The following TBL1XR1 variants were observed in gnomAD, a reference collection of about 807,000 sequenced individuals.
The protein encoded by TBL1XR1 is F-box-like/WD repeat-containing protein TBL1XR1.
A neutral mutation model predicts 66.9 loss-of-function variants in TBL1XR1; 5 were observed. The observed-to-expected ratio is 0.07, with a 90% confidence interval of 0.04 to 0.16. TBL1XR1 has a LOEUF of 0.16. Ranked by LOEUF, TBL1XR1 falls within the 10% of genes least tolerant of loss-of-function variation. The pLI is 1.00. For synonymous variants in TBL1XR1, 210 were observed against 206.0 expected (o/e 1.02, Z -0.17); for missense variants, 238 against 623.2 (o/e 0.38, Z 6.58).
chr3:177,082,738 T>TTATACATATATA (rs1721566334), intron 2 of TBL1XR1, among the ~76,000 whole-genome samples: 1 of 63,234 alleles, frequency 1.6e-5, no homozygotes, highest in African/African-American at 6.4e-5. Flanking sequence ...AAGATAGAGA[T>TTATACATATATA]TATATATATA....
At chr3:177,136,405 C>A (rs1051077486) in intron 1 of TBL1XR1, among the ~76,000 whole-genome samples, 3 of 152,102 alleles carry the variant, frequency 2.0e-5, no homozygotes, top group African/African-American at 7.2e-5. Flanking sequence ...TCCCAAGTAG[C>A]CTCCAAGTGG....
intron 2 of TBL1XR1, among the ~76,000 whole-genome samples, chr3:177,071,155 C>T (rs938044916): frequency 1.1e-4 from 16 of 151,280 alleles, no homozygotes; most frequent in African/African-American, 2.2e-4. Flanking sequence ...CTTAGCCTCC[C>T]GAGCAGCTGG....
chr3:177,056,201 A>T (rs915651553), intron 3 of TBL1XR1, among the ~76,000 whole-genome samples: 8 of 152,182 alleles, frequency 5.3e-5, no homozygotes, highest in African/African-American at 1.9e-4. Flanking sequence ...AATGCTTATA[A>T]ATTTGTTTGA....
intron 1 of TBL1XR1, among the ~76,000 whole-genome samples, chr3:177,171,816 T>C (rs1283614485): frequency 6.6e-6 from 1 of 151,716 alleles, no homozygotes; most frequent in Admixed American, 6.6e-5. Flanking sequence ...CAGAAGAGTT[T>C]GGAGCAAATT....
intron 1 of TBL1XR1, among the ~76,000 whole-genome samples, chr3:177,153,156 A>G (rs781677516): frequency 2.6e-5 from 4 of 152,144 alleles, no homozygotes; most frequent in South Asian, 2.1e-4. Flanking sequence ...AAAATAAAAT[A>G]AAGTGTTGAA....
intron 1 of TBL1XR1, among the ~76,000 whole-genome samples, chr3:177,099,917 A>G (rs1723978845): frequency 6.6e-6 from 1 of 152,268 alleles, no homozygotes; most frequent in South Asian, 2.1e-4. Flanking sequence ...TAAATAATTA[A>G]CATGTACTAC....
intron 2 of TBL1XR1, among the ~76,000 whole-genome samples, chr3:177,068,001 T>C (rs560105500): frequency 9.8e-5 from 15 of 152,288 alleles, no homozygotes; most frequent in East Asian, 9.6e-4. Flanking sequence ...AGAACAACTG[T>C]CTTTAAACTA....
chr3:177,105,714 C>T (rs1159318872), intron 1 of TBL1XR1, among the ~76,000 whole-genome samples: 1 of 152,100 alleles, frequency 6.6e-6, no homozygotes, highest in Non-Finnish European at 1.5e-5. Flanking sequence ...GCCCCTCACT[C>T]AGATGTAATT....
At chr3:177,181,620 G>C (rs1257832106) in intron 1 of TBL1XR1, among the ~76,000 whole-genome samples, 1 of 151,858 alleles carries the variant, frequency 6.6e-6, no homozygotes, top group African/African-American at 2.4e-5. Flanking sequence ...GAACCAATCT[G>C]GGCCACAGAA....
chr3:177,174,171 T>C (rs1733889206), intron 1 of TBL1XR1, among the ~76,000 whole-genome samples: 2 of 152,058 alleles, frequency 1.3e-5, no homozygotes, highest in Admixed American at 6.6e-5. Context: ...CCCAGCACTT[T>C]TGGAGGCCAA....
rs1017533899 is a variant in TBL1XR1, at chr3:177,196,783, G to C, written c.-122+338C>G. Among the ~76,000 whole-genome samples, 7 of 152,026 alleles carry C rather than the reference G, an allele frequency of 4.6e-5. No individual in the cohort carries two copies. In the South Asian group the frequency reaches 1.0e-3, roughly 23 times the overall value. Reference sequence around the variant, plus strand: ...AAAAAGGGGGTGTAAATGCACGAAGGGAGGAAGAGGGGGAGAAGGCCGAGG... The same window carrying C: ...AAAAAGGGGGTGTAAATGCACGAAGCGAGGAAGAGGGGGAGAAGGCCGAGG... On this transcript the variant is annotated intron_variant, in intron 1 of 15. Transcript: ENST00000457928.
At chr3:177,097,648 T>C (rs1723665716) in intron 2 of TBL1XR1, among the ~76,000 whole-genome samples, 2 of 152,168 alleles carry the variant, frequency 1.3e-5, no homozygotes, top group Non-Finnish European at 2.9e-5. Flanking sequence ...TGACTCTCCT[T>C]AAAATGATTA....
chr3:177,148,683 A>G (rs1291987726), intron 1 of TBL1XR1, among the ~76,000 whole-genome samples: 1 of 150,926 alleles, frequency 6.6e-6, no homozygotes, highest in Non-Finnish European at 1.5e-5. Flanking sequence ...CTCCAGCCTG[A>G]GCAACAGAAT....
intron 1 of TBL1XR1, among the ~76,000 whole-genome samples, chr3:177,113,970 C>T (rs6772045): frequency 0.018 from 2,711 of 152,138 alleles, 76 homozygotes; most frequent in African/African-American, 0.062. Context: ...GAAATAACCA[C>T]CATATGATCC....
intron 2 of TBL1XR1, among the ~76,000 whole-genome samples, chr3:177,082,738 T>TTTTACATATATATATATATA (rs1450061640): frequency 1.6e-5 from 1 of 63,234 alleles, no homozygotes; most frequent in Non-Finnish European, 3.0e-5. Context: ...AAGATAGAGA[T>TTTTACATATATATATATATA]TATATATATA....
chr3:177,068,574 T>C (rs550003206), intron 2 of TBL1XR1, among the ~76,000 whole-genome samples: 27 of 152,220 alleles, frequency 1.8e-4, no homozygotes, highest in Non-Finnish European at 3.4e-4. Flanking sequence ...ATGTACAGCA[T>C]TTTCAGCATC....
At chr3:177,149,331 A>G (rs12054257) in intron 1 of TBL1XR1, among the ~76,000 whole-genome samples, 28,839 of 152,098 alleles carry the variant, frequency 0.19, 3,191 homozygotes, top group East Asian at 0.5. Flanking sequence ...ACTTAAATCT[A>G]TATCTCTAGC....
intron 1 of TBL1XR1, among the ~76,000 whole-genome samples, chr3:177,148,038 C>T (rs1395724226): frequency 6.6e-6 from 1 of 152,200 alleles, no homozygotes; most frequent in Non-Finnish European, 1.5e-5. Context: ...AGACACTTAG[C>T]TTTTGTCAAC....
intron 1 of TBL1XR1, among the ~76,000 whole-genome samples, chr3:177,173,055 T>A (rs940624670): frequency 1.3e-5 from 2 of 151,882 alleles, no homozygotes; most frequent in Non-Finnish European, 1.5e-5. Context: ...GGCGTGGTGA[T>A]GCATGCCTGT....
Sources: allele counts gnomAD v4.1 joint callset (sites outside exome capture counted in the v4.1 genomes callset), GRCh38; gene constraint gnomAD v4.1.1; transcripts MANE v1.5; gene names NCBI Gene and HGNC (gene_info 2026-07-23, HGNC 2026-07-21).